TTC23: variants seen among roughly 807,000 people sequenced by gnomAD.
TTC23 encodes the protein tetratricopeptide repeat protein 23.
A neutral mutation model predicts 55.1 loss-of-function variants in TTC23; 58 were observed. That is an observed-to-expected ratio of 1.05 (90% CI 0.85 to 1.31). TTC23 has a LOEUF of 1.31. Among genes scored for constraint, TTC23 ranks in the 50% most tolerant of loss-of-function variants. TTC23 has a pLI of 0.00. For missense variants in TTC23, 516 were observed against 534.4 expected (o/e 0.97, Z 0.34); for synonymous variants, 203 against 199.9 (o/e 1.02, Z -0.13).
At chr15:99,144,106 T>C (rs2068549986) in intron 12 of TTC23, among the ~76,000 whole-genome samples, 2 of 152,212 alleles carry the variant, frequency 1.3e-5, no homozygotes, top group African/African-American at 2.4e-5. Flanking sequence ...TTAGGACTCA[T>C]TCGGAAAGCT....
chr15:99,174,322 A>T (rs544296142), intron 10 of TTC23, among the ~76,000 whole-genome samples: 1 of 152,166 alleles, frequency 6.6e-6, no homozygotes, highest in African/African-American at 2.4e-5. Flanking sequence ...AATCAACCCC[A>T]TGCCTTCCAG....
intron 3 of TTC23, among the ~76,000 whole-genome samples, chr15:99,237,710 A>G (rs1431427036): frequency 6.6e-6 from 1 of 152,166 alleles, no homozygotes; most frequent in Non-Finnish European, 1.5e-5. Flanking sequence ...GAGGGATTAC[A>G]AGGGGCATGA....
intron 8 of TTC23, among the ~76,000 whole-genome samples, chr15:99,200,419 A>G (rs1473978003): frequency 1.3e-5 from 2 of 152,250 alleles, no homozygotes; most frequent in African/African-American, 4.8e-5. Context: ...ATTGATATTC[A>G]TAAAACACCT....
At chr15:99,166,503 C>T (rs1055286340) in intron 10 of TTC23, among the ~76,000 whole-genome samples, 5 of 152,134 alleles carry the variant, frequency 3.3e-5, no homozygotes, top group South Asian at 2.1e-4. Context: ...CGTGGACCTC[C>T]GGAAGAGGGA....
rs753918987 is a variant in TTC23, at chr15:99,200,112, G to C, written c.582-16C>G. The stretch of plus-strand genomic sequence containing the variant: ...TTGATACACCCTAAAAAAATCAAAG[G>C]AATTATTTTATTTAATAATTAAAAT... On this transcript the variant is annotated splice_polypyrimidine_tract_variant and intron_variant, in intron 8 of 13. Coordinates refer to ENST00000394132, the MANE Select transcript of TTC23 (RefSeq NM_001288615.3). The C allele has an allele frequency of 1.3e-6, 2 of 1,550,776 alleles. No homozygotes were observed. The highest frequency in any genetic ancestry group is 1.7e-6 in the Non-Finnish European group (2 of 1,153,172).
intron 5 of TTC23, among the ~76,000 whole-genome samples, chr15:99,223,876 TAGTC>T (rs1284386132): frequency 2.0e-5 from 3 of 152,128 alleles, no homozygotes; most frequent in African/African-American, 7.2e-5. Context: ...CAGCAACAGA[TAGTC>T]AGAACAGCAA....
chr15:99,182,258 A>T lies in TTC23; in HGVS notation c.760-7103T>A, dbSNP rs1022543738. On this transcript the variant is annotated intron_variant, in intron 9 of 13. Transcript: ENST00000394132. ...CTCTCTCTCTCTCTCTCACACACAC[A>T]CACACACACACACACACACACACAC... Among the ~76,000 whole-genome samples, 369 of 150,016 alleles carry T rather than the reference A, an allele frequency of 2.5e-3. 1 individual carries two copies. Among genetic ancestry groups the T allele is most frequent in the African/African-American group, 7.9e-3 (322 of 40,730 alleles).
chr15:99,184,091 C>T (rs114556713), intron 9 of TTC23, among the ~76,000 whole-genome samples: 2,721 of 152,266 alleles, frequency 0.018, 84 homozygotes, highest in African/African-American at 0.062. Context: ...CTGAGGTTTG[C>T]GAACCTCTGG....
intron 2 of TTC23, among the ~76,000 whole-genome samples, chr15:99,244,759 C>T (rs2080097363): frequency 6.6e-6 from 1 of 151,858 alleles, no homozygotes; most frequent in African/African-American, 2.4e-5. Flanking sequence ...TGTTTTTTTG[C>T]AGAAATTAAC....
At chr15:99,196,816 C>T (rs1232993206) in intron 9 of TTC23, among the ~76,000 whole-genome samples, 1 of 152,160 alleles carries the variant, frequency 6.6e-6, no homozygotes, top group Non-Finnish European at 1.5e-5. Flanking sequence ...TGCCTGAAAA[C>T]CTTCATCTGC....
rs2080528870 is a variant in TTC23, at chr15:99,249,362, C to T, written c.-622G>A. The T allele has an allele frequency of 6.6e-6, 1 of 152,210 alleles. No homozygotes were observed. Among genetic ancestry groups the T allele is most frequent in the Non-Finnish European group, 1.5e-5 (1 of 68,044 alleles). 9.4% of individuals were successfully genotyped at this position (152,210 alleles called of 1,614,324 possible). On this transcript the variant is annotated 5_prime_UTR_variant, in exon 1 of 14. Coordinates refer to ENST00000394132, the MANE Select transcript of TTC23 (RefSeq NM_001288615.3). ...AAAAGTTTCTGTAACTCTCCAATCT[C>T]CAACTATGTCGTAAAATCCCTTGCC...
intron 4 of TTC23, among the ~76,000 whole-genome samples, chr15:99,234,338 A>G (rs561496577): frequency 1.3e-5 from 2 of 152,258 alleles, no homozygotes; most frequent in East Asian, 3.9e-4. Flanking sequence ...TCACTATACA[A>G]ATGGGCAATT....
chr15:99,221,666 T>A, intron 6 of TTC23, 75 bp downstream of exon 6: 1 of 1,586,018 alleles, frequency 6.3e-7, no homozygotes, highest in Non-Finnish European at 8.6e-7. Context: ...ATCCTTCTAA[T>A]TAAGTGTGAA....
chr15:99,236,343 G>T (rs1312387172), intron 3 of TTC23, among the ~76,000 whole-genome samples: 1 of 152,082 alleles, frequency 6.6e-6, no homozygotes, highest in South Asian at 2.1e-4. Context: ...GATATGAAGT[G>T]ATATCTCATG....
chr15:99,185,742 C>G (rs1231465142), intron 9 of TTC23, among the ~76,000 whole-genome samples: 7 of 152,152 alleles, frequency 4.6e-5, no homozygotes, highest in African/African-American at 1.7e-4. Flanking sequence ...GAAACAATCA[C>G]ATTTGCATGG....
intron 10 of TTC23, among the ~76,000 whole-genome samples, chr15:99,173,605 T>TA (rs928651052): frequency 6.6e-6 from 1 of 151,050 alleles, no homozygotes; most frequent in Non-Finnish European, 1.5e-5. Context: ...AAAAAATAAT[T>TA]AAAAAAAAAT....
chr15:99,140,069 G>T (rs782569956), intron 12 of TTC23: 4 of 207,286 alleles, frequency 1.9e-5, no homozygotes, highest in Non-Finnish European at 3.0e-5. Flanking sequence ...GAATGCCAAA[G>T]ACCCTTTTAT....
chr15:99,200,053 A>G lies in TTC23; in HGVS notation c.625T>C (p.Tyr209His), dbSNP rs1255410609. 2.5e-6 allele frequency: 4 copies of G among 1,612,854 alleles called. No homozygotes were observed. The African/African-American group carries it at 5.3e-5, about 22-fold the overall frequency. ...TCAACATATTCCAAAGCTGCTTGAT[A>G]GTGGGACAAAGCTTCTTTTGACTTC... ...QKKSKEALSH[Y>H]QAALEYVEIS... The change falls in exon 9 of 14, where the codon TAT becomes CAT. Residue 209 changes from tyrosine to histidine, a missense_variant. Tyr to His is a moderately conservative substitution (Grantham distance 83). Transcript: ENST00000394132.
chr15:99,241,347 G>C lies in TTC23; in HGVS notation c.-114+18C>G, dbSNP rs959848587. On this transcript the variant is annotated intron_variant, in intron 3 of 13. Coordinates refer to ENST00000394132, the MANE Select transcript of TTC23 (RefSeq NM_001288615.3). ...AAACAAACAAACAAACAAAAAACATGCTTCTCAGTTCACTTACTTTGAGTT... is the reference window on the plus strand; with the variant it reads ...AAACAAACAAACAAACAAAAAACATCCTTCTCAGTTCACTTACTTTGAGTT... The C allele has an allele frequency of 2.0e-5, 3 of 152,850 alleles. No homozygotes were observed. The highest frequency in any genetic ancestry group is 7.3e-5 in the African/African-American group (3 of 41,304). 9.5% of individuals were successfully genotyped at this position (152,850 alleles called of 1,614,324 possible).
Sources: allele counts gnomAD v4.1 joint callset (sites outside exome capture counted in the v4.1 genomes callset), GRCh38; gene constraint gnomAD v4.1.1; transcripts MANE v1.5; gene names NCBI Gene and HGNC (gene_info 2026-07-23, HGNC 2026-07-21).